Variants in NDUFAF6 observed in about 807,000 individuals in gnomAD.
The protein encoded by NDUFAF6 is NADH:ubiquinone oxidoreductase complex assembly factor 6, also known as NADH dehydrogenase (ubiquinone) complex I, assembly factor 6.
In NDUFAF6, 45 loss-of-function variants were observed where a neutral mutation model predicts 40.8. The ratio of observed to expected loss-of-function variants is 1.10; its 90% CI spans 0.87 to 1.42. The LOEUF (loss-of-function observed/expected upper bound fraction) is 1.42, where lower values mean the gene tolerates loss of function less well. Ranked by LOEUF, NDUFAF6 falls within the 40% of genes most tolerant of loss-of-function variation. The pLI is 0.00. For synonymous variants in NDUFAF6, 185 were observed against 155.9 expected, an observed-to-expected ratio of 1.19 and a Z score of -1.39; for missense variants, 435 against 418.5, an observed-to-expected ratio of 1.04 and a Z score of -0.34.
At chr8:94,906,765 T>C (rs1586607134) in intron 1 of NDUFAF6, among the ~76,000 whole-genome samples, 1 of 152,184 alleles carries the variant, frequency 6.6e-6, no homozygotes. Context: ...TTATTTTGAG[T>C]CAGTTTTATC....
At position 95,038,173 on chromosome 8, in the gene NDUFAF6, CACTT is replaced by C. The variant is rs552672300; in HGVS notation, c.420+2599_420+2602del. On this transcript the variant is annotated intron_variant, in intron 3 of 8. Transcript: ENST00000396124. ...CAGGTGTGAGCCACTGTGCATGGCC[CACTT>C]ATTGTTAATATTTTATCCCATTTGT... is the stretch of plus-strand genomic sequence containing the variant. Among the ~76,000 whole-genome samples, 359 of 152,232 alleles carry C rather than the reference CACTT, an allele frequency of 2.4e-3. 1 individual carries two copies. Among genetic ancestry groups the C allele is most frequent in the African/African-American group, 8.3e-3 (345 of 41,548 alleles).
intron 5 of NDUFAF6, 45 bp from the exon 6 acceptor site, chr8:95,046,949 A>T (rs1234202511): frequency 6.2e-7 from 1 of 1,611,376 alleles, no homozygotes; most frequent in East Asian, 2.2e-5. Context: ...TTGATTTATT[A>T]TGCACTTAGA....
chr8:94,939,343 CTATTA>C (rs1370114603), intron 1 of NDUFAF6, among the ~76,000 whole-genome samples: 3 of 152,136 alleles, frequency 2.0e-5, no homozygotes, highest in African/African-American at 7.2e-5. Flanking sequence ...AATGAGAATG[CTATTA>C]TATAACTGGG....
chr8:94,911,583 C>T (rs2131224694), intron 1 of NDUFAF6, among the ~76,000 whole-genome samples: 1 of 152,320 alleles, frequency 6.6e-6, no homozygotes, highest in South Asian at 2.1e-4. Context: ...ATCACTGTTT[C>T]TCCCTTTAAT....
upstream of NDUFAF6, among the ~76,000 whole-genome samples, chr8:95,024,242 G>A (rs756685543): frequency 3.3e-5 from 5 of 152,250 alleles, no homozygotes; most frequent in Non-Finnish European, 2.9e-5. Context: ...GATCTTACCC[G>A]ACTACTTACT....
At chr8:95,050,004 C>G (rs1249853175) in intron 7 of NDUFAF6, among the ~76,000 whole-genome samples, 2 of 152,168 alleles carry the variant, frequency 1.3e-5, no homozygotes, top group Non-Finnish European at 2.9e-5. Context: ...TTTTTAATTT[C>G]ATGAATATCT....
intron 1 of NDUFAF6, among the ~76,000 whole-genome samples, chr8:94,935,135 A>AGATAGATAGATAGATAGAT (rs1820845025): frequency 6.8e-6 from 1 of 146,272 alleles, no homozygotes; most frequent in African/African-American, 2.6e-5. Flanking sequence ...AGATATAGAT[A>AGATAGATAGATAGATAGAT]GATAGATAGA....
chr8:95,057,051 A>G (rs1051464301), intron 8 of NDUFAF6, among the ~76,000 whole-genome samples: 1 of 152,188 alleles, frequency 6.6e-6, no homozygotes, highest in Non-Finnish European at 1.5e-5. Flanking sequence ...TAATCCCTGC[A>G]TTAATCCCCC....
At chr8:95,104,085 C>T (rs191726644), downstream of NDUFAF6, among the ~76,000 whole-genome samples, 243 of 152,140 alleles carry the variant, frequency 1.6e-3, 1 homozygote, top group African/African-American at 5.3e-3. Flanking sequence ...CTATGTTGCC[C>T]AGGCTGGTCT....
downstream of NDUFAF6, chr8:95,116,564 T>C (rs1810140861): frequency 6.6e-6 from 1 of 152,234 alleles, no homozygotes; most frequent in Non-Finnish European, 1.5e-5. Context: ...TTGCTCAGGC[T>C]AGTCTTGAAT....
At chr8:94,910,881 T>C (rs1818736989) in intron 1 of NDUFAF6, among the ~76,000 whole-genome samples, 2 of 152,302 alleles carry the variant, frequency 1.3e-5, no homozygotes, top group South Asian at 2.1e-4. Flanking sequence ...ATCTATAGTA[T>C]AGTATAGAAT....
rs533944922 is a variant in NDUFAF6, at chr8:94,900,634, G to A, written c.-936+4707G>A. Among the ~76,000 whole-genome samples the A allele has an allele frequency of 1.1e-4, 16 of 152,326 alleles. No individual in the cohort carries two copies. The East Asian group carries it at 1.5e-3, about 15-fold the overall frequency. ...CAGAAGCTCTGGGAGGTTGGAGTAG[G>A]CGGGAGGGCACAGAGTGCTCTGGGC... On this transcript the variant is annotated intron_variant, in intron 1 of 14. Transcript: ENST00000396113.
intron 1 of NDUFAF6, among the ~76,000 whole-genome samples, chr8:95,026,817 G>A (rs926402070): frequency 2.6e-5 from 4 of 152,180 alleles, no homozygotes; most frequent in Non-Finnish European, 5.9e-5. Context: ...GGAAGCCTAG[G>A]CAGAAGGGTT....
chr8:95,025,919 A>AC (rs1437776828), intron 1 of NDUFAF6, among the ~76,000 whole-genome samples: 2 of 152,002 alleles, frequency 1.3e-5, no homozygotes, highest in East Asian at 3.9e-4. Flanking sequence ...TGCGGCAGGG[A>AC]CCCCTGGGAA....
At chr8:95,040,204 A>G (rs1258494678) in intron 3 of NDUFAF6, among the ~76,000 whole-genome samples, 1 of 151,770 alleles carries the variant, frequency 6.6e-6, no homozygotes, top group East Asian at 1.9e-4. Flanking sequence ...CTAATTTTGG[A>G]TTTGTCTGAT....
intron 5 of NDUFAF6, among the ~76,000 whole-genome samples, chr8:95,046,017 G>T (rs1278689859): frequency 4.0e-5 from 6 of 150,066 alleles, no homozygotes; most frequent in African/African-American, 7.6e-5. Flanking sequence ...AAGAAAAGTA[G>T]AAGAAGTAAA....
intron 1 of NDUFAF6, among the ~76,000 whole-genome samples, chr8:94,916,298 C>A (rs1292644454): frequency 3.3e-5 from 5 of 152,164 alleles, no homozygotes; most frequent in Non-Finnish European, 7.3e-5. Flanking sequence ...ATGCCCTTGT[C>A]CCATGGGATT....
chr8:95,100,168 A>G (rs796452452), upstream of NDUFAF6, among the ~76,000 whole-genome samples: 2 of 152,148 alleles, frequency 1.3e-5, no homozygotes, highest in South Asian at 2.1e-4. Context: ...TGTGTAAGGA[A>G]TAAATGAGCA....
intron 2 of NDUFAF6, among the ~76,000 whole-genome samples, chr8:95,009,532 G>C (rs73276406): frequency 0.13 from 20,042 of 152,158 alleles, 1,338 homozygotes; most frequent in Middle Eastern, 0.23. Context: ...TTATGGGAGA[G>C]AGGGTGGATG....
Sources: gnomAD v4.1 joint callset for allele counts (sites outside exome capture counted in the v4.1 genomes callset) on GRCh38, gnomAD v4.1.1 for gene constraint, MANE v1.5 for transcripts, NCBI Gene and HGNC (gene_info 2026-07-23, HGNC 2026-07-21) for gene names.